Variants in CNTNAP5 observed in about 807,000 individuals in gnomAD.
The protein encoded by CNTNAP5 is contactin associated protein family member 5.
In CNTNAP5, 72 loss-of-function variants were observed where a neutral mutation model predicts 150.2. The ratio of observed to expected loss-of-function variants is 0.48; its 90% CI spans 0.40 to 0.58. The LOEUF (loss-of-function observed/expected upper bound fraction) is 0.58. CNTNAP5 is among the 20% of genes least tolerant of loss of function. The probability of loss-of-function intolerance (pLI) is 0.00; values close to 1 mark genes in which losing one functional copy is unlikely to be tolerated. For synonymous variants in CNTNAP5, 672 were observed against 619.8 expected (o/e 1.08, Z -1.25); for missense variants, 1,636 against 1,626.2 (o/e 1.01, Z -0.10).
At chr2:124,202,107 T>C (rs370434489) in intron 1 of CNTNAP5, among the ~76,000 whole-genome samples, 2 of 152,310 alleles carry the variant, frequency 1.3e-5, no homozygotes, top group African/African-American at 4.8e-5. Flanking sequence ...TCAGGATATT[T>C]ATGCTGTGCC....
chr2:124,078,396 G>GA (rs758911464), intron 1 of CNTNAP5, among the ~76,000 whole-genome samples: 4 of 152,134 alleles, frequency 2.6e-5, no homozygotes, highest in Admixed American at 6.5e-5. Context: ...TAAAGCCTCA[G>GA]AAAAAATAAT....
intron 7 of CNTNAP5, among the ~76,000 whole-genome samples, chr2:124,490,151 T>C (rs1693983055): frequency 6.6e-6 from 1 of 151,992 alleles, no homozygotes; most frequent in Non-Finnish European, 1.5e-5. Flanking sequence ...CTGGCCAACA[T>C]GGTGAAACCC....
chr2:124,773,580 A>G (rs1202504811), intron 17 of CNTNAP5, among the ~76,000 whole-genome samples: 2 of 152,158 alleles, frequency 1.3e-5, no homozygotes, highest in African/African-American at 4.8e-5. Context: ...GTTCATCTGA[A>G]CTGGCAACTG....
chr2:124,176,440 G>C (rs188854623), intron 1 of CNTNAP5, among the ~76,000 whole-genome samples: 1 of 152,164 alleles, frequency 6.6e-6, no homozygotes, highest in Non-Finnish European at 1.5e-5. Flanking sequence ...GGATAGTATA[G>C]GGGCCAAGGG....
rs1840208 is a variant in CNTNAP5, at chr2:124,873,395, C to G, written c.3436+3633C>G. Among the ~76,000 whole-genome samples, 29 of 152,178 alleles carry G rather than the reference C, an allele frequency of 1.9e-4. No homozygotes were observed. The South Asian group carries it at 5.2e-3, about 27-fold the overall frequency. ...TCAACATGAGATTTGAGTGAGGACA[C>G]AGATACAAACCATATCAAATACCCA... On this transcript the variant is annotated intron_variant, in intron 21 of 23. Coordinates refer to ENST00000682447, the MANE Select transcript of CNTNAP5 (RefSeq NM_001367498.1).
chr2:124,100,416 C>T (rs1178605407), intron 1 of CNTNAP5, among the ~76,000 whole-genome samples: 4 of 151,970 alleles, frequency 2.6e-5, no homozygotes, highest in Non-Finnish European at 5.9e-5. Flanking sequence ...AAAATATGAG[C>T]TCAGAAAAAT....
At chr2:124,564,464 T>C (rs1453743772) in intron 11 of CNTNAP5, among the ~76,000 whole-genome samples, 1 of 152,162 alleles carries the variant, frequency 6.6e-6, no homozygotes, top group Non-Finnish European at 1.5e-5. Flanking sequence ...CAAGTGATTC[T>C]CCTGCCTCAG....
intron 13 of CNTNAP5, among the ~76,000 whole-genome samples, chr2:124,729,230 A>G (rs2105125105): frequency 6.6e-6 from 1 of 152,230 alleles, no homozygotes; most frequent in African/African-American, 2.4e-5. Context: ...CTTTGAAATG[A>G]TTCCATGTAT....
intron 13 of CNTNAP5, among the ~76,000 whole-genome samples, chr2:124,655,664 G>A (rs1237590651): frequency 2.6e-5 from 4 of 151,832 alleles, no homozygotes; most frequent in Non-Finnish European, 5.9e-5. Context: ...TTGAGACGCC[G>A]AGGTGGGAGG....
At chr2:124,612,475 T>C (rs1032278155) in intron 12 of CNTNAP5, among the ~76,000 whole-genome samples, 2 of 152,194 alleles carry the variant, frequency 1.3e-5, no homozygotes, top group Admixed American at 6.5e-5. Context: ...GACTGATACA[T>C]AGGTTTCATG....
intron 19 of CNTNAP5, among the ~76,000 whole-genome samples, chr2:124,845,105 G>T (rs1683021875): frequency 2.0e-5 from 3 of 152,078 alleles, no homozygotes; most frequent in South Asian, 2.1e-4. Flanking sequence ...TATAATATTG[G>T]CTGTGGCTTT....
intron 8 of CNTNAP5, among the ~76,000 whole-genome samples, chr2:124,509,394 T>A (rs1694500479): frequency 1.3e-5 from 2 of 152,186 alleles, no homozygotes; most frequent in Non-Finnish European, 2.9e-5. Flanking sequence ...TTGCAAGCCT[T>A]ATGTATGTAT....
intron 12 of CNTNAP5, among the ~76,000 whole-genome samples, chr2:124,626,127 A>T (rs1677717579): frequency 6.6e-6 from 1 of 152,134 alleles, no homozygotes; most frequent in African/African-American, 2.4e-5. Flanking sequence ...AACATCATAG[A>T]ATGATCTAGA....
chr2:124,354,428 C>A (rs891685110), intron 3 of CNTNAP5, among the ~76,000 whole-genome samples: 80 of 152,154 alleles, frequency 5.3e-4, no homozygotes, highest in African/African-American at 1.9e-3. Flanking sequence ...ATAAAGAGAA[C>A]CTTACTTTGT....
chr2:124,690,667 T>G (rs62171302), intron 13 of CNTNAP5, among the ~76,000 whole-genome samples: 16,722 of 152,040 alleles, frequency 0.11, 1,120 homozygotes, highest in Non-Finnish European at 0.15. Context: ...CCAAGCTCTT[T>G]CTAGCCTCTT....
At chr2:124,426,486 G>A (rs1692241304) in intron 4 of CNTNAP5, among the ~76,000 whole-genome samples, 2 of 152,186 alleles carry the variant, frequency 1.3e-5, no homozygotes, top group Non-Finnish European at 2.9e-5. Flanking sequence ...AATGTATCAT[G>A]ACATAAGCTT....
intron 1 of CNTNAP5, among the ~76,000 whole-genome samples, chr2:124,167,319 G>A (rs1558783438): frequency 6.6e-6 from 1 of 152,076 alleles, no homozygotes. Context: ...ACATGTGACT[G>A]TAGCCTTAAA....
chr2:124,770,426 T>C (rs1283972995), intron 16 of CNTNAP5, among the ~76,000 whole-genome samples: 4 of 152,172 alleles, frequency 2.6e-5, no homozygotes, highest in African/African-American at 9.6e-5. Flanking sequence ...CCCAAACATG[T>C]GTTGTCTCAG....
At chr2:124,610,167 G>A (rs1490670390) in intron 12 of CNTNAP5, among the ~76,000 whole-genome samples, 1 of 152,192 alleles carries the variant, frequency 6.6e-6, no homozygotes, top group African/African-American at 2.4e-5. Context: ...TTAATTATCA[G>A]TGGTTTTCTT....
Sources: gnomAD v4.1 joint callset for allele counts (sites outside exome capture counted in the v4.1 genomes callset) on GRCh38, gnomAD v4.1.1 for gene constraint, MANE v1.5 for transcripts, NCBI Gene and HGNC (gene_info 2026-07-23, HGNC 2026-07-21) for gene names.